Variants in HDAC8 observed in about 807,000 individuals in gnomAD.
The protein encoded by HDAC8 is histone deacetylase-like 1.
A neutral mutation model predicts 32.2 loss-of-function variants in HDAC8; 1 was observed. The observed-to-expected ratio is 0.03, with a 90% CI of 0.01 to 0.15. The LOEUF (loss-of-function observed/expected upper bound fraction) is 0.15, where lower values mean the gene tolerates loss of function less well. Among genes scored for constraint, HDAC8 ranks in the 10% least tolerant of loss-of-function variants. The pLI, the probability that HDAC8 is intolerant of heterozygous loss-of-function variation, is 1.00. For missense variants in HDAC8, 117 were observed against 300.0 expected, an observed-to-expected ratio of 0.39 and a Z score of 4.51; for synonymous variants, 108 against 113.9, an observed-to-expected ratio of 0.95 and a Z score of 0.33.
At chrX:72,487,333 GA>G (rs2048708076) in intron 7 of HDAC8, among the ~76,000 whole-genome samples, 2 of 111,584 alleles carry the variant, frequency 1.8e-5, no homozygotes, top group South Asian at 7.5e-4. Context: ...AGAAAAAAAA[GA>G]GAAAATATAG....
intron 9 of HDAC8, among the ~76,000 whole-genome samples, chrX:72,428,906 A>T (rs782203860): frequency 8.9e-6 from 1 of 111,975 alleles, no homozygotes; most frequent in East Asian, 2.8e-4. Context: ...GACGTAGATA[A>T]GTTCCTCACA....
chrX:72,493,789 T>C (rs950162949), intron 5 of HDAC8, among the ~76,000 whole-genome samples: 4 of 111,419 alleles, frequency 3.6e-5, no homozygotes, highest in Non-Finnish European at 5.7e-5. Flanking sequence ...CTTGACCTCT[T>C]GGGTTCAAGC....
chrX:72,423,132 C>A (rs2046540397), intron 9 of HDAC8, among the ~76,000 whole-genome samples: 1 of 111,489 alleles, frequency 9.0e-6, no homozygotes, highest in Non-Finnish European at 1.9e-5. Context: ...CCCTGAGATG[C>A]TTTTTCCTTT....
Position 72,413,112 on chromosome X carries a change from G to GT in HDAC8, c.1005+48891dup, listed in dbSNP as rs10716535. Reference sequence around the variant, plus strand: ...AGCAGCCTTCTGGTCTGTGTAACTGGTTTTTTTTTTTATTATTATTATACT... The same window carrying GT: ...AGCAGCCTTCTGGTCTGTGTAACTGGTTTTTTTTTTTTATTATTATTATACT... On this transcript the variant is annotated intron_variant, in intron 9 of 10. Transcript: ENST00000373573. Among the ~76,000 whole-genome samples, 353 of 105,459 alleles carry GT rather than the reference G, an allele frequency of 3.3e-3. 1 individual carries two copies. Among genetic ancestry groups the GT allele is most frequent in the East Asian group, 7.8e-3 (26 of 3,317 alleles). 91.6% of individuals were successfully genotyped at this position (105,459 alleles called of 115,157 possible).
At chrX:72,495,963 T>C (rs1465497141) in intron 4 of HDAC8, among the ~76,000 whole-genome samples, 3 of 112,164 alleles carry the variant, frequency 2.7e-5, no homozygotes, top group Non-Finnish European at 5.6e-5. Context: ...CTATCAGTGA[T>C]AATGCGTCAC....
intron 10 of HDAC8, among the ~76,000 whole-genome samples, chrX:72,343,489 A>C (rs1555945818): frequency 2.7e-5 from 3 of 109,680 alleles, no homozygotes; most frequent in African/African-American, 1.0e-4. Context: ...AAATTTTGTA[A>C]ATCTCCTTCC....
At chrX:72,338,684 C>T (rs868958088) in intron 10 of HDAC8, among the ~76,000 whole-genome samples, 5 of 47,519 alleles carry the variant, frequency 1.1e-4, no homozygotes, top group African/African-American at 1.7e-4. Flanking sequence ...TATATATATA[C>T]AAATATATAT....
intron 4 of HDAC8, among the ~76,000 whole-genome samples, chrX:72,496,281 A>G (rs1344773074): frequency 1.8e-5 from 2 of 110,494 alleles, no homozygotes; most frequent in East Asian, 5.7e-4. Context: ...CTCTTCCATA[A>G]TAACATTTCA....
chrX:72,489,821 T>C (rs1423394163), intron 6 of HDAC8, among the ~76,000 whole-genome samples: 4 of 110,702 alleles, frequency 3.6e-5, no homozygotes, highest in Admixed American at 9.6e-5. Flanking sequence ...AGGCAACCTA[T>C]AGAATGGGAA....
chrX:72,332,762 C>T (rs986451031), intron 10 of HDAC8, among the ~76,000 whole-genome samples: 6 of 110,998 alleles, frequency 5.4e-5, no homozygotes, highest in Non-Finnish European at 1.1e-4. Flanking sequence ...AGCGATTCTC[C>T]TACCTCAGCC....
At chrX:72,433,532 G>C (rs1555978125) in intron 9 of HDAC8, among the ~76,000 whole-genome samples, 2 of 111,966 alleles carry the variant, frequency 1.8e-5, no homozygotes, top group Non-Finnish European at 3.8e-5. Context: ...GCAAGTTTCT[G>C]TTTTGAACAG....
rs143728468 is a variant in HDAC8, at chrX:72,569,189, T to G, written c.165-305A>C. Among the ~76,000 whole-genome samples, 686 of 112,522 alleles carry G rather than the reference T, an allele frequency of 6.1e-3. 5 individuals are homozygous for G. Among genetic ancestry groups the G allele is most frequent in the African/African-American group, 0.022 (666 of 30,948 alleles). On this transcript the variant is annotated intron_variant, in intron 2 of 10. Coordinates refer to ENST00000373573, the MANE Select transcript of HDAC8 (RefSeq NM_018486.3). ...ATCAGGTATCAGACAGACTTTACCC[T>G]GTGAGTTACAACTTTCAGGACAAAC...
At chrX:72,505,506 G>T (rs1279154660) in intron 4 of HDAC8, among the ~76,000 whole-genome samples, 1 of 111,598 alleles carries the variant, frequency 9.0e-6, no homozygotes, top group Non-Finnish European at 1.9e-5. Context: ...ACTTTATCTT[G>T]TCTGGTGGAG....
chrX:72,420,895 T>C (rs2046468742), intron 9 of HDAC8, among the ~76,000 whole-genome samples: 2 of 111,847 alleles, frequency 1.8e-5, no homozygotes, highest in Admixed American at 9.5e-5. Flanking sequence ...ATTATGTTTT[T>C]TTTTTAAATT....
chrX:72,383,865 A>G (rs1233041338), intron 9 of HDAC8, among the ~76,000 whole-genome samples: 2 of 86,962 alleles, frequency 2.3e-5, no homozygotes, highest in Non-Finnish European at 4.4e-5. Context: ...GTGAGATGCC[A>G]TCTCAAAAAA....
chrX:72,552,471 C>T (rs1285965745), intron 4 of HDAC8, among the ~76,000 whole-genome samples: 5 of 111,121 alleles, frequency 4.5e-5, no homozygotes, highest in Non-Finnish European at 1.9e-5. Flanking sequence ...ATTAGCCAGG[C>T]GTGGTGGCAT....
chrX:72,367,519 G>T (rs1256425608), intron 9 of HDAC8, among the ~76,000 whole-genome samples: 1 of 112,068 alleles, frequency 8.9e-6, no homozygotes, highest in South Asian at 3.7e-4. Context: ...AATGAAGGGG[G>T]TTTCATTTTC....
intron 4 of HDAC8, among the ~76,000 whole-genome samples, chrX:72,567,347 C>T (rs1046916030): frequency 9.0e-6 from 1 of 111,728 alleles, no homozygotes; most frequent in Non-Finnish European, 1.9e-5. Flanking sequence ...CAATTTTCCA[C>T]CTTTTTAAAA....
chrX:72,562,401 A>G (rs1556122453), intron 4 of HDAC8, among the ~76,000 whole-genome samples: 1 of 112,403 alleles, frequency 8.9e-6, no homozygotes, highest in Non-Finnish European at 1.9e-5. Flanking sequence ...GGAATTGGAG[A>G]CTATTATTCT....
Sources: allele counts gnomAD v4.1 joint callset (sites outside exome capture counted in the v4.1 genomes callset), GRCh38; gene constraint gnomAD v4.1.1; transcripts MANE v1.5; gene names NCBI Gene and HGNC (gene_info 2026-07-23, HGNC 2026-07-21).